The following RPA3 variants were observed in gnomAD, a reference collection of about 807,000 sequenced individuals.
The protein encoded by RPA3 is replication protein A3, also known as replication protein A 14 kDa subunit.
In RPA3, 24 loss-of-function variants were observed where a neutral mutation model predicts 13.7. That is an observed-to-expected ratio of 1.75 (90% CI 1.27 to 2.46). RPA3 has a LOEUF of 2.46. Ranked by LOEUF, RPA3 falls within the 30% of genes most tolerant of loss-of-function variation. The probability of loss-of-function intolerance (pLI) is 0.00; values close to 1 mark genes in which losing one functional copy is unlikely to be tolerated. For missense variants in RPA3, 183 were observed against 151.0 expected (o/e 1.21, Z -1.11); for synonymous variants, 59 against 51.2 (o/e 1.15, Z -0.65).
At chr7:7,718,083 T>C (rs1168697236) in intron 1 of RPA3, among the ~76,000 whole-genome samples, 1 of 152,250 alleles carries the variant, frequency 6.6e-6, no homozygotes, top group African/African-American at 2.4e-5. Flanking sequence ...CATTCACTTA[T>C]TAACTTCACA....
At chr7:7,709,863 A>G (rs942156252) in intron 2 of RPA3, among the ~76,000 whole-genome samples, 2 of 152,166 alleles carry the variant, frequency 1.3e-5, no homozygotes, top group African/African-American at 2.4e-5. Context: ...TTTAAGAAAT[A>G]TAATTTCTTG....
intron 4 of RPA3, among the ~76,000 whole-genome samples, chr7:7,657,328 T>C (rs1191672708): frequency 2.0e-5 from 3 of 152,240 alleles, no homozygotes; most frequent in African/African-American, 7.2e-5. Flanking sequence ...TAGATCCCAT[T>C]TGTCAATTTT....
intron 4 of RPA3, among the ~76,000 whole-genome samples, chr7:7,652,401 A>C (rs185063644): frequency 6.6e-6 from 1 of 152,296 alleles, no homozygotes; most frequent in East Asian, 1.9e-4. Context: ...GTGTTTCTTT[A>C]CATACATTTT....
intron 4 of RPA3, among the ~76,000 whole-genome samples, chr7:7,678,327 CTGA>C (rs1779800420): frequency 6.7e-6 from 1 of 150,350 alleles, no homozygotes; most frequent in Non-Finnish European, 1.5e-5. Context: ...TTGCATTTCT[CTGA>C]TGATCAACAA....
At chr7:7,661,126 G>A (rs1462187729) in intron 4 of RPA3, among the ~76,000 whole-genome samples, 3 of 151,990 alleles carry the variant, frequency 2.0e-5, no homozygotes, top group African/African-American at 7.2e-5. Context: ...ACTTGTGTAT[G>A]CTTCAGGAAG....
intron 3 of RPA3, 132 bp from the exon 4 acceptor site, chr7:7,686,130 A>G (rs1368101496): frequency 1.3e-5 from 2 of 152,222 alleles, no homozygotes; most frequent in Non-Finnish European, 2.9e-5. Context: ...GATGTCTGAG[A>G]ATTGCTGGAA....
intron 4 of RPA3, chr7:7,676,311 G>T (rs530843420): frequency 1.5e-5 from 6 of 393,950 alleles, no homozygotes; most frequent in Non-Finnish European, 2.7e-5. Context: ...GTTAATGTGT[G>T]TAAAATGTTT....
chr7:7,659,818 T>G (rs1373744084), intron 4 of RPA3, among the ~76,000 whole-genome samples: 3 of 152,184 alleles, frequency 2.0e-5, no homozygotes, highest in Admixed American at 1.3e-4. Context: ...TTATTAGGTC[T>G]GCTTGGTCCA....
chr7:7,701,843 G>A (rs1013289296), intron 2 of RPA3, among the ~76,000 whole-genome samples: 2 of 152,084 alleles, frequency 1.3e-5, no homozygotes, highest in Non-Finnish European at 2.9e-5. Context: ...GAGGATGCCT[G>A]GGTGTATTTG....
intron 2 of RPA3, among the ~76,000 whole-genome samples, chr7:7,698,703 C>T (rs1349658790): frequency 6.6e-6 from 1 of 152,014 alleles, no homozygotes; most frequent in Admixed American, 6.6e-5. Context: ...AACCTTCTTT[C>T]TCCAGCTCTT....
intron 2 of RPA3, among the ~76,000 whole-genome samples, chr7:7,702,306 C>A (rs1402880426): frequency 3.9e-5 from 6 of 152,100 alleles, no homozygotes; most frequent in Non-Finnish European, 8.8e-5. Flanking sequence ...GACTAGAGTT[C>A]CTATGCTTCC....
At chr7:7,681,570 C>A (rs1779913282) in intron 4 of RPA3, among the ~76,000 whole-genome samples, 1 of 152,122 alleles carries the variant, frequency 6.6e-6, no homozygotes, top group Admixed American at 6.6e-5. Context: ...AGTTCCTATT[C>A]ACGTAAGAAG....
At chr7:7,677,996 A>G (rs547806091) in intron 4 of RPA3, among the ~76,000 whole-genome samples, 2 of 152,266 alleles carry the variant, frequency 1.3e-5, no homozygotes, top group Non-Finnish European at 2.9e-5. Context: ...GTTGATGGAG[A>G]CACTTAGGTT....
rs28916006 is a variant in RPA3 at position 7,668,488 on chromosome 7, T to C, written c.-758+17342A>G. 2.8e-3 allele frequency among the ~76,000 whole-genome samples: 432 copies of C among 152,346 alleles called. 2 individuals carry two copies. Among genetic ancestry groups the C allele is most frequent in the African/African-American group, 9.6e-3 (398 of 41,580 alleles). ...ATTTTATTATTAGTTATTGCTAATCTCTTAGTGTGCCTAATTTATAAATTA... is the reference window on the plus strand; with the variant it reads ...ATTTTATTATTAGTTATTGCTAATCCCTTAGTGTGCCTAATTTATAAATTA... On this transcript the variant is annotated intron_variant, in intron 4 of 7. Transcript: ENST00000223129.
At chr7:7,673,164 C>A in intron 4 of RPA3, 1 of 673,716 alleles carries the variant, frequency 1.5e-6, no homozygotes, top group South Asian at 1.7e-5. Flanking sequence ...CGGCTGACAT[C>A]TAGAGAAGGC....
intron 4 of RPA3, among the ~76,000 whole-genome samples, chr7:7,663,435 C>A (rs889473241): frequency 1.3e-5 from 2 of 152,066 alleles, no homozygotes; most frequent in African/African-American, 4.8e-5. Flanking sequence ...TCTTGCTTAT[C>A]CTCTCAGGCA....
At chr7:7,715,265 A>G (rs184456412) in intron 1 of RPA3, 39 bp from the exon 2 acceptor site, 1 of 152,292 alleles carries the variant, frequency 6.6e-6, no homozygotes, top group East Asian at 1.9e-4. Flanking sequence ...AAGAACTGAA[A>G]AGTTTTCACC....
chr7:7,663,592 C>T, intron 4 of RPA3, among the ~76,000 whole-genome samples: 1 of 151,880 alleles, frequency 6.6e-6, no homozygotes, highest in Middle Eastern at 3.4e-3. Context: ...AGGATTAAAT[C>T]AGGTCTCTAC....
At chr7:7,682,858 T>A (rs1056924387) in intron 4 of RPA3, among the ~76,000 whole-genome samples, 56 of 152,344 alleles carry the variant, frequency 3.7e-4, no homozygotes, top group Non-Finnish European at 1.5e-5. Flanking sequence ...AACTTCATGA[T>A]GTAGATGCTT....
Sources: allele counts gnomAD v4.1 joint callset (sites outside exome capture counted in the v4.1 genomes callset), GRCh38; gene constraint gnomAD v4.1.1; transcripts MANE v1.5; gene names NCBI Gene and HGNC (gene_info 2026-07-23, HGNC 2026-07-21).